The following MYSM1 variants were observed in gnomAD, a reference collection of about 807,000 sequenced individuals.
The protein encoded by MYSM1 is Myb like, SWIRM and MPN domains 1.
In MYSM1, 51 loss-of-function variants were observed where a neutral mutation model predicts 116.0. That is an observed-to-expected ratio of 0.44 (90% CI 0.35 to 0.56). The LOEUF is 0.56. Ranked by LOEUF, MYSM1 falls within the 20% of genes least tolerant of loss-of-function variation. MYSM1 has a pLI of 0.00. For synonymous variants in MYSM1, 313 were observed against 315.2 expected, an observed-to-expected ratio of 0.99 and a Z score of 0.07; for missense variants, 900 against 974.9, an observed-to-expected ratio of 0.92 and a Z score of 1.02.
chr1:58,664,810 G>T (rs1330436949), intron 17 of MYSM1, among the ~76,000 whole-genome samples: 1 of 152,210 alleles, frequency 6.6e-6, no homozygotes, highest in Non-Finnish European at 1.5e-5. Context: ...TAGTGGCAGT[G>T]TCCAGGGGAC....
chr1:58,694,054 T>C (rs1644938593), intron 2 of MYSM1, among the ~76,000 whole-genome samples: 1 of 152,214 alleles, frequency 6.6e-6, no homozygotes, highest in African/African-American at 2.4e-5. Flanking sequence ...ACTGTTCACA[T>C]ATCTACCCTT....
intron 7 of MYSM1, 48 bp from the exon 8 acceptor site, chr1:58,682,593 T>C (rs1247995388): frequency 1.5e-5 from 22 of 1,466,174 alleles, no homozygotes; most frequent in Non-Finnish European, 1.8e-5. Context: ...GATTTAAAAA[T>C]TTAATCACTG....
chr1:58,689,308 C>T (rs1329674322), intron 5 of MYSM1, 192 bp from the exon 6 acceptor site: 13 of 509,120 alleles, frequency 2.6e-5, no homozygotes, highest in Non-Finnish European at 3.8e-5. Flanking sequence ...TCACGTGTCT[C>T]TAGCTCAGGA....
At chr1:58,699,746 C>A in intron 1 of MYSM1, 1 of 985,420 alleles carries the variant, frequency 1.0e-6, no homozygotes, top group South Asian at 4.7e-5. Context: ...TCGGTGCCCT[C>A]ACAGCATCCG....
In MYSM1 at chr1:58,682,045, A is replaced by C; in HGVS notation, c.999T>G (p.Val333=). The C allele has an allele frequency of 6.2e-7, 1 of 1,614,140 alleles. No individual in the cohort carries two copies. Among genetic ancestry groups the C allele is most frequent in the Non-Finnish European group, 8.5e-7 (1 of 1,180,028 alleles). The change falls in exon 8 of 20, where the codon GTT becomes GTG. Residue 333 remains valine, a synonymous_variant. Coordinates refer to ENST00000472487, the MANE Select transcript of MYSM1 (RefSeq NM_001085487.3). ...CTGGAGAAGGCAACTGCCTGGCATC[A>C]ACTATTATTCCCCTTCCATCATGCT... The part of the protein sequence containing the change: ...CNKHDGRGII[V]DARQLPSPEP...
intron 2 of MYSM1, among the ~76,000 whole-genome samples, chr1:58,693,652 T>C (rs1213336525): frequency 2.0e-5 from 3 of 152,182 alleles, no homozygotes; most frequent in African/African-American, 7.2e-5. Flanking sequence ...TTCAAATCTA[T>C]CTACTCTATC....
chr1:58,679,981 C>T (rs1262712799), intron 8 of MYSM1, among the ~76,000 whole-genome samples: 1 of 144,898 alleles, frequency 6.9e-6, no homozygotes, highest in Non-Finnish European at 1.5e-5. Context: ...GAGCTGAGAT[C>T]ATGCCAAGGC....
intron 8 of MYSM1, among the ~76,000 whole-genome samples, chr1:58,678,397 A>G (rs1381848721): frequency 6.6e-6 from 1 of 152,208 alleles, no homozygotes; most frequent in Admixed American, 6.5e-5. Context: ...ACTGAAGACT[A>G]CTCAAAGTAA....
At chr1:58,683,520 C>G (rs891987033) in intron 7 of MYSM1, among the ~76,000 whole-genome samples, 1 of 152,050 alleles carries the variant, frequency 6.6e-6, no homozygotes, top group African/African-American at 2.4e-5. Flanking sequence ...ATCTCCCATA[C>G]CTGCTACTAC....
chr1:58,663,188 TAAAG>T (rs1644419908), intron 17 of MYSM1, among the ~76,000 whole-genome samples: 1 of 152,006 alleles, frequency 6.6e-6, no homozygotes, highest in South Asian at 2.1e-4. Context: ...AAGATGAAAA[TAAAG>T]AGAGGTAAAT....
At chr1:58,681,018 C>T (rs1001194967) in intron 8 of MYSM1, among the ~76,000 whole-genome samples, 3 of 152,014 alleles carry the variant, frequency 2.0e-5, no homozygotes, top group Non-Finnish European at 4.4e-5. Context: ...TTAGAAGGGA[C>T]AGGGTTTCAC....
chr1:58,693,557 G>C (rs1232803764), intron 2 of MYSM1, among the ~76,000 whole-genome samples: 3 of 152,176 alleles, frequency 2.0e-5, no homozygotes, highest in Non-Finnish European at 4.4e-5. Context: ...ATTCCATGTA[G>C]AAATTCAGGA....
intron 3 of MYSM1, 24 bp from the exon 4 acceptor site, chr1:58,690,441 T>C (rs1471162335): frequency 6.7e-7 from 1 of 1,489,964 alleles, no homozygotes; most frequent in East Asian, 2.3e-5. Context: ...AAGGAAACTT[T>C]TTAAACAATA....
At chr1:58,662,865 C>A (rs571240925) in intron 17 of MYSM1, among the ~76,000 whole-genome samples, 34 of 152,170 alleles carry the variant, frequency 2.2e-4, no homozygotes, top group Admixed American at 5.9e-4. Flanking sequence ...CTATAGTACA[C>A]GGGGTATTAA....
intron 1 of MYSM1, 144 bp downstream of exon 1, chr1:58,699,841 T>G (rs1569823457): frequency 1.4e-6 from 2 of 1,415,442 alleles, no homozygotes; most frequent in Non-Finnish European, 9.2e-7. Context: ...GCGGGCGAGG[T>G]GCCTCCCAGG....
At chr1:58,668,914 G>T in intron 13 of MYSM1, 70 bp downstream of exon 13, 1 of 1,236,854 alleles carries the variant, frequency 8.1e-7, no homozygotes, top group East Asian at 2.5e-5. Context: ...TACGGAAAAA[G>T]AGTAAGCATT....
intron 10 of MYSM1, among the ~76,000 whole-genome samples, chr1:58,673,951 T>C (rs1644604359): frequency 6.6e-6 from 1 of 152,188 alleles, no homozygotes; most frequent in Admixed American, 6.5e-5. Context: ...AGATCAGTAA[T>C]GATTTTCTGT....
intron 1 of MYSM1, among the ~76,000 whole-genome samples, chr1:58,697,643 G>A (rs1644995320): frequency 6.6e-6 from 1 of 151,602 alleles, no homozygotes; most frequent in Admixed American, 6.6e-5. Context: ...AGGCTAGAGG[G>A]CAATGGCGCG....
intron 17 of MYSM1, 35 bp from the exon 18 acceptor site, chr1:58,661,546 T>C (rs1465965802): frequency 5.9e-6 from 7 of 1,191,552 alleles, no homozygotes; most frequent in Non-Finnish European, 8.6e-6. Flanking sequence ...TGTCATCAAC[T>C]ATTTCTTAAC....
Sources: gnomAD v4.1 joint callset for allele counts (sites outside exome capture counted in the v4.1 genomes callset) on GRCh38, gnomAD v4.1.1 for gene constraint, MANE v1.5 for transcripts, NCBI Gene and HGNC (gene_info 2026-07-23, HGNC 2026-07-21) for gene names.